RIN2: variants seen among roughly 807,000 people sequenced by gnomAD.
RIN2 encodes the protein Ras and Rab interactor 2.
A neutral mutation model predicts 78.0 loss-of-function variants in RIN2; 36 were observed. That is an observed-to-expected ratio of 0.46 (90% CI 0.35 to 0.61). RIN2 has a LOEUF of 0.61. RIN2 is among the 20% of genes least tolerant of loss of function. The pLI is 0.00. For synonymous variants in RIN2, 466 were observed against 466.8 expected (o/e 1.00, Z 0.02); for missense variants, 1,087 against 1,159.7 (o/e 0.94, Z 0.91).
At chr20:19,960,322 A>C (rs754621702) in intron 5 of RIN2, among the ~76,000 whole-genome samples, 5 of 152,230 alleles carry the variant, frequency 3.3e-5, no homozygotes, top group Non-Finnish European at 7.3e-5. Flanking sequence ...CTGTGTTTAG[A>C]ATTTAGGTTT....
rs1181155153 is a variant in RIN2 at position 19,986,558 on chromosome 20, G to T, written c.1763-3448G>T. ...TATACCCAAGGGTGGAATTCCCCTC[G>T]AAGGCCAGCACCCCTCCCTGGCAGC... On this transcript the variant is annotated intron_variant, in intron 9 of 12. Transcript: ENST00000255006. Among the ~76,000 whole-genome samples, 3 of 152,040 alleles carry T rather than the reference G, an allele frequency of 2.0e-5. 1 individual carries two copies. The highest frequency in any genetic ancestry group is 2.0e-4 in the Admixed American group (3 of 15,264).
intron 2 of RIN2, among the ~76,000 whole-genome samples, chr20:19,829,304 A>C (rs2036184170): frequency 6.6e-6 from 1 of 152,106 alleles, no homozygotes; most frequent in African/African-American, 2.4e-5. Context: ...AATTGGATTA[A>C]CTTATTAATT....
intron 12 of RIN2, among the ~76,000 whole-genome samples, chr20:19,998,107 T>C (rs2043028923): frequency 6.6e-6 from 1 of 151,536 alleles, no homozygotes; most frequent in South Asian, 2.1e-4. Context: ...GCCTCCGGAG[T>C]AGCTGGGACT....
intron 1 of RIN2, among the ~76,000 whole-genome samples, chr20:19,763,434 A>G (rs2033733896): frequency 6.6e-6 from 1 of 152,190 alleles, no homozygotes; most frequent in Non-Finnish European, 1.5e-5. Context: ...ATCAGCACAG[A>G]GAAGTGTGGA....
chr20:19,804,334 T>C (rs566979305), intron 2 of RIN2, among the ~76,000 whole-genome samples: 1 of 152,322 alleles, frequency 6.6e-6, no homozygotes, highest in South Asian at 2.1e-4. Flanking sequence ...AACTGTAGGT[T>C]TGTCATAAAT....
At chr20:19,806,070 A>G (rs1163695239) in intron 2 of RIN2, among the ~76,000 whole-genome samples, 1 of 152,162 alleles carries the variant, frequency 6.6e-6, no homozygotes, top group Non-Finnish European at 1.5e-5. Context: ...ATGGCTGCAT[A>G]GTATTCTATG....
chr20:19,908,851 C>T (rs964736465), intron 3 of RIN2, among the ~76,000 whole-genome samples: 4 of 152,114 alleles, frequency 2.6e-5, no homozygotes, highest in Admixed American at 6.6e-5. Context: ...TGGAACACCA[C>T]GCCTGTTGTT....
chr20:19,850,412 G>T (rs2036924529), intron 2 of RIN2, among the ~76,000 whole-genome samples: 1 of 152,182 alleles, frequency 6.6e-6, no homozygotes, highest in Non-Finnish European at 1.5e-5. Context: ...CCCATCATCA[G>T]TGTGGACTCT....
At chr20:19,964,815 C>A in intron 6 of RIN2, 137 bp from the exon 7 acceptor site, 1 of 717,800 alleles carries the variant, frequency 1.4e-6, no homozygotes, top group Non-Finnish European at 2.5e-6. Flanking sequence ...GCCTCCTCTG[C>A]ACAGCTGGTT....
chr20:19,763,888 G>A (rs1051606806), intron 1 of RIN2, among the ~76,000 whole-genome samples: 4 of 152,192 alleles, frequency 2.6e-5, no homozygotes, highest in Non-Finnish European at 2.9e-5. Flanking sequence ...AATGAGAAAC[G>A]GATTCGGGAG....
intron 3 of RIN2, among the ~76,000 whole-genome samples, chr20:19,927,693 G>A (rs577691181): frequency 5.9e-5 from 9 of 152,118 alleles, no homozygotes; most frequent in African/African-American, 1.9e-4. Context: ...AAGATTACAA[G>A]CGTGAGCCAC....
chr20:19,924,290 CCCACCTCCATACT>C (rs2040082925), intron 3 of RIN2, among the ~76,000 whole-genome samples: 1 of 38,900 alleles, frequency 2.6e-5, no homozygotes, highest in African/African-American at 1.6e-4. Flanking sequence ...CCTTTCATAC[CCCACCTCCATACT>C]CCACCTTCAT....
At chr20:19,856,656 G>A (rs1342791189) in intron 2 of RIN2, among the ~76,000 whole-genome samples, 1 of 151,798 alleles carries the variant, frequency 6.6e-6, no homozygotes, top group African/African-American at 2.4e-5. Flanking sequence ...GAGGGAGAGA[G>A]ATATTGCCAT....
chr20:19,832,104 C>T (rs918724853), intron 2 of RIN2, among the ~76,000 whole-genome samples: 4 of 151,904 alleles, frequency 2.6e-5, no homozygotes, highest in African/African-American at 9.7e-5. Context: ...AGATTTGCAA[C>T]TAAAGGGGAC....
chr20:19,915,036 C>T (rs976779727), intron 3 of RIN2, among the ~76,000 whole-genome samples: 6 of 152,096 alleles, frequency 3.9e-5, no homozygotes, highest in African/African-American at 9.7e-5. Flanking sequence ...AAAGGCCCTA[C>T]GGGTAGTGAA....
intron 4 of RIN2, among the ~76,000 whole-genome samples, chr20:19,936,610 AG>A (rs1322919495): frequency 3.3e-5 from 5 of 152,154 alleles, no homozygotes; most frequent in African/African-American, 1.2e-4. Flanking sequence ...ATATAAGCAC[AG>A]GGGATTTTGG....
chr20:19,759,189 CA>C (rs1356687644), intron 1 of RIN2, among the ~76,000 whole-genome samples: 3 of 152,222 alleles, frequency 2.0e-5, no homozygotes, highest in African/African-American at 7.2e-5. Context: ...CCAAGAAATA[CA>C]GGGCAAGATC....
At chr20:19,918,805 T>TTTGGGATGACAC (rs1178205855) in intron 3 of RIN2, among the ~76,000 whole-genome samples, 22 of 151,844 alleles carry the variant, frequency 1.4e-4, no homozygotes, top group Non-Finnish European at 2.6e-4. Flanking sequence ...CAAAATGACA[T>TTTGGGATGACAC]CTGGGATGAC....
chr20:19,959,668 G>A (rs559696125), intron 5 of RIN2, among the ~76,000 whole-genome samples: 2 of 152,360 alleles, frequency 1.3e-5, no homozygotes, highest in South Asian at 4.1e-4. Context: ...TAGAAAGGTA[G>A]GGGAGAGAAT....
Sources: allele counts gnomAD v4.1 joint callset (sites outside exome capture counted in the v4.1 genomes callset), GRCh38; gene constraint gnomAD v4.1.1; transcripts MANE v1.5; gene names NCBI Gene and HGNC (gene_info 2026-07-23, HGNC 2026-07-21).